The following SHISA9 variants were observed in gnomAD, a reference collection of about 807,000 sequenced individuals.
SHISA9 encodes the protein shisa family member 9.
A neutral mutation model predicts 38.0 loss-of-function variants in SHISA9; 13 were observed. The ratio of observed to expected loss-of-function variants is 0.34; its 90% CI spans 0.22 to 0.54. The LOEUF (loss-of-function observed/expected upper bound fraction) is 0.54. SHISA9 is among the 20% of genes least tolerant of loss of function. The pLI is 0.91. For missense variants in SHISA9, 538 were observed against 575.8 expected (o/e 0.93, Z 0.67); for synonymous variants, 275 against 242.0 (o/e 1.14, Z -1.27).
the SHISA9 span, among the ~76,000 whole-genome samples, chr16:13,513,811 G>A: frequency 1.3e-5 from 2 of 152,180 alleles, no homozygotes; most frequent in African/African-American, 4.8e-5. Flanking sequence ...ACAGGGAGGA[G>A]GACAACACAC....
At chr16:12,965,917 G>C (rs1471737387) in intron 2 of SHISA9, among the ~76,000 whole-genome samples, 1 of 152,190 alleles carries the variant, frequency 6.6e-6, no homozygotes, top group East Asian at 1.9e-4. Flanking sequence ...CTTATCTTAG[G>C]AATAGAAGAA....
chr16:12,981,934 C>G (rs2072245042), intron 2 of SHISA9, among the ~76,000 whole-genome samples: 1 of 152,220 alleles, frequency 6.6e-6, no homozygotes, highest in African/African-American at 2.4e-5. Context: ...CTGCTGCCAT[C>G]TTGATCTTGG....
chr16:13,155,110 T>G (rs979354166), intron 2 of SHISA9, among the ~76,000 whole-genome samples: 9 of 152,170 alleles, frequency 5.9e-5, no homozygotes, highest in African/African-American at 2.2e-4. Context: ...CAGAATGGCT[T>G]GAAATGGAAG....
At chr16:13,038,594 C>T (rs1324990715) in intron 2 of SHISA9, among the ~76,000 whole-genome samples, 4 of 152,314 alleles carry the variant, frequency 2.6e-5, no homozygotes, top group Non-Finnish European at 4.4e-5. Context: ...TTGATCATCT[C>T]GCAGTTCATT....
At chr16:13,337,248 G>A in the SHISA9 span, among the ~76,000 whole-genome samples, 3 of 152,170 alleles carry the variant, frequency 2.0e-5, no homozygotes, top group African/African-American at 4.8e-5. Context: ...GACCCAGTGG[G>A]AGATAATTGA....
At chr16:13,304,161 G>A in the SHISA9 span, among the ~76,000 whole-genome samples, 2 of 152,110 alleles carry the variant, frequency 1.3e-5, no homozygotes, top group Non-Finnish European at 2.9e-5. Flanking sequence ...TCCCATTTGT[G>A]CAACAATGAA....
the SHISA9 span, among the ~76,000 whole-genome samples, chr16:13,428,767 TTTATTG>T: frequency 1.3e-4 from 11 of 85,080 alleles, no homozygotes; most frequent in South Asian, 1.2e-3. Flanking sequence ...ATTTTATTGT[TTTATTG>T]TTTTTTTTTT....
chr16:13,170,082 A>G (rs1403339402), intron 2 of SHISA9, among the ~76,000 whole-genome samples: 1 of 151,924 alleles, frequency 6.6e-6, no homozygotes, highest in East Asian at 1.9e-4. Context: ...GTATGCCTGT[A>G]ATCCCAGCTA....
intron 3 of SHISA9, among the ~76,000 whole-genome samples, chr16:13,209,109 T>A (rs1003861006): frequency 1.3e-5 from 2 of 152,182 alleles, no homozygotes; most frequent in Non-Finnish European, 2.9e-5. Flanking sequence ...AACACACAGA[T>A]AATGGCTTAG....
rs963117574 is a variant in SHISA9, at chr16:12,989,440, G to A, written c.691+72625G>A. The stretch of plus-strand genomic sequence containing the variant: ...TGATCTGCCTGCCTCAGCCTCCCCC[G>A]GGTGTTGGGATTACAGGCATGAGCC... On this transcript the variant is annotated intron_variant, in intron 2 of 4. Coordinates refer to ENST00000558583, the MANE Select transcript of SHISA9 (RefSeq NM_001145204.3). Among the ~76,000 whole-genome samples, 11 of 151,962 alleles carry A rather than the reference G, an allele frequency of 7.2e-5. No individual in the cohort carries two copies. In the East Asian group the frequency reaches 7.8e-4, roughly 11 times the overall value.
chr16:13,012,765 C>T (rs999064164), intron 2 of SHISA9, among the ~76,000 whole-genome samples: 1 of 152,110 alleles, frequency 6.6e-6, no homozygotes, highest in Admixed American at 6.5e-5. Context: ...ATACTTACAC[C>T]ACTTGCCCAT....
the SHISA9 span, among the ~76,000 whole-genome samples, chr16:13,461,803 CG>C: frequency 8.5e-4 from 129 of 151,318 alleles, no homozygotes; most frequent in African/African-American, 3.0e-3. Flanking sequence ...TTAGTAGAGA[CG>C]GGGTTTCACC....
chr16:13,514,645 G>C, the SHISA9 span, among the ~76,000 whole-genome samples: 1 of 151,934 alleles, frequency 6.6e-6, no homozygotes, highest in African/African-American at 2.4e-5. Flanking sequence ...CTTCCACAGA[G>C]GCAAAAAAGA....
At chr16:13,118,725 TTTTTC>T (rs1221191553) in intron 2 of SHISA9, among the ~76,000 whole-genome samples, 4 of 95,066 alleles carry the variant, frequency 4.2e-5, no homozygotes, top group Admixed American at 1.3e-4. Flanking sequence ...TTTCTTTTCT[TTTTTC>T]TTTTTTTTTT....
chr16:13,256,765 T>C, the SHISA9 span, among the ~76,000 whole-genome samples: 1 of 152,224 alleles, frequency 6.6e-6, no homozygotes. Context: ...TTTCTTTTAC[T>C]ACACGGTGTT....
At chr16:13,148,209 T>C (rs116776681) in intron 2 of SHISA9, among the ~76,000 whole-genome samples, 3,951 of 152,092 alleles carry the variant, frequency 0.026, 164 homozygotes, top group African/African-American at 0.089. Context: ...ATTTCCTACA[T>C]GCATTTCCCA....
chr16:13,531,023 A>C, the SHISA9 span, among the ~76,000 whole-genome samples: 1 of 152,194 alleles, frequency 6.6e-6, no homozygotes, highest in Non-Finnish European at 1.5e-5. Flanking sequence ...ACAGTGAGTA[A>C]AGCAGAGAAG....
the SHISA9 span, among the ~76,000 whole-genome samples, chr16:13,504,502 G>A: frequency 2.0e-5 from 3 of 151,994 alleles, no homozygotes; most frequent in Non-Finnish European, 2.9e-5. Flanking sequence ...GTGCTAAGCA[G>A]AAACAAAAAG....
the SHISA9 span, among the ~76,000 whole-genome samples, chr16:13,362,672 C>T: frequency 1.3e-5 from 2 of 152,180 alleles, no homozygotes; most frequent in Non-Finnish European, 2.9e-5. Flanking sequence ...CCCATCTTGT[C>T]CCTAAGCCTT....
Sources: gnomAD v4.1 joint callset for allele counts (sites outside exome capture counted in the v4.1 genomes callset) on GRCh38, gnomAD v4.1.1 for gene constraint, MANE v1.5 for transcripts, NCBI Gene and HGNC (gene_info 2026-07-23, HGNC 2026-07-21) for gene names.